Variants in KIF26B observed in about 807,000 individuals in gnomAD.
KIF26B encodes the protein kinesin-like protein KIF26B.
A neutral mutation model predicts 151.2 loss-of-function variants in KIF26B; 63 were observed. That is an observed-to-expected ratio of 0.42 (90% CI 0.34 to 0.51). The LOEUF is 0.51. KIF26B is among the 20% of genes least tolerant of loss of function. KIF26B has a pLI of 0.07. For missense variants in KIF26B, 2,813 were observed against 2,913.6 expected (o/e 0.97, Z 0.79); for synonymous variants, 1,357 against 1,262.1 (o/e 1.08, Z -1.59).
rs569829106 is a variant in KIF26B at position 245,241,889 on chromosome 1, G to A, written c.465+85206G>A. On this transcript the variant is annotated intron_variant, in intron 2 of 14. Transcript: ENST00000407071. This position sits in a 1 kb window ranked among gnomAD's most constrained non-coding sequence, Gnocchi z 5.0. ...CCCCATTTCTCAGGTGGCCTTCAAG[G>A]CTCATTCCTGACTCACCCAGCCTCA... 9.7e-4 allele frequency among the ~76,000 whole-genome samples: 148 copies of A among 152,228 alleles called. 1 individual carries two copies. Among genetic ancestry groups the A allele is most frequent in the Admixed American group, 2.7e-3 (41 of 15,300 alleles).
chr1:245,210,508 C>CT lies in KIF26B; in HGVS notation c.465+53842dup, dbSNP rs35803033. Among the ~76,000 whole-genome samples the CT allele has an allele frequency of 0.01, 1,314 of 129,740 alleles. 67 individuals carry two copies. In the East Asian group the frequency reaches 0.13, roughly 13 times the overall value. The allele number at this position is 129,740 out of a possible 152,430, so 85.1% of individuals were successfully genotyped here. A position where few individuals can be genotyped will look rare whatever the true frequency, so the allele number is the denominator to read the frequency against. Reference sequence around the variant, plus strand: ...ACTGTCTGGAACCCAATATCCTAAGCTTTTTTTTTTTTTTTTTACTGTATT... The same window carrying CT: ...ACTGTCTGGAACCCAATATCCTAAGCTTTTTTTTTTTTTTTTTTACTGTATT... On this transcript the variant is annotated intron_variant, in intron 2 of 14. Transcript: ENST00000407071.
rs573686901 is a variant in KIF26B at position 245,706,411 on chromosome 1, C to A, written c.*3805C>A. ...ATTTGTTCAATGCAAACACAGCCGT[C>A]TATATCATTGGCCACTGCTGATTAT... On this transcript the variant is annotated 3_prime_UTR_variant, in exon 15 of 15. Transcript: ENST00000407071. 3 of 152,282 alleles carry A rather than the reference C, an allele frequency of 2.0e-5. No individual in the cohort carries two copies. The highest frequency in any genetic ancestry group is 4.2e-4 in the South Asian group (2 of 4,818). 9.4% of individuals were successfully genotyped at this position (152,282 alleles called of 1,614,324 possible). A position where few individuals can be genotyped will look rare whatever the true frequency, so the allele number is the denominator to read the frequency against.
intron 10 of KIF26B, among the ~76,000 whole-genome samples, chr1:245,662,748 A>G (rs370091883): frequency 0.044 from 2,100 of 48,082 alleles, 109 homozygotes; most frequent in Middle Eastern, 0.081. Context: ...TATATACCCA[A>G]TGATATATAT....
chr1:245,703,192 G>A lies in KIF26B; in HGVS notation c.*586G>A, dbSNP rs1444718740. 3 of 152,674 alleles carry A rather than the reference G, an allele frequency of 2.0e-5. No individual in the cohort carries two copies. The highest frequency in any genetic ancestry group is 4.4e-5 in the Non-Finnish European group (3 of 68,090). The allele number at this position is 152,674 out of a possible 1,614,324, so 9.5% of individuals were successfully genotyped here. On this transcript the variant is annotated 3_prime_UTR_variant, in exon 15 of 15. Coordinates refer to ENST00000407071, the MANE Select transcript of KIF26B (RefSeq NM_018012.4). The stretch of plus-strand genomic sequence containing the variant: ...GACTTGCTGTTTCTAAGTAAGTTGT[G>A]TTTGTAGAGCTATTTCTTAATCAGT...
intron 2 of KIF26B, among the ~76,000 whole-genome samples, chr1:245,296,175 C>T (rs1573758797): frequency 6.8e-6 from 1 of 146,990 alleles, no homozygotes; most frequent in African/African-American, 2.5e-5. Flanking sequence ...CACGTTTTGT[C>T]TTTTTTTTTT....
At chr1:245,289,373 T>A (rs1327915487) in intron 2 of KIF26B, among the ~76,000 whole-genome samples, 1 of 152,200 alleles carries the variant, frequency 6.6e-6, no homozygotes, top group Non-Finnish European at 1.5e-5. Flanking sequence ...ATTATTGTGA[T>A]TTTCGACTCG....
At chr1:245,616,923 G>A (rs527483178) in intron 9 of KIF26B, among the ~76,000 whole-genome samples, 4 of 152,252 alleles carry the variant, frequency 2.6e-5, no homozygotes, top group African/African-American at 7.2e-5. Flanking sequence ...CAATGACACC[G>A]GGTCTCTGAT....
chr1:245,159,990 T>C (rs1260751023), intron 2 of KIF26B, among the ~76,000 whole-genome samples: 2 of 152,172 alleles, frequency 1.3e-5, no homozygotes, highest in African/African-American at 4.8e-5. Context: ...GATCATGAGT[T>C]TGGTTTTCCA....
intron 2 of KIF26B, among the ~76,000 whole-genome samples, chr1:245,344,063 T>C (rs1672389188): frequency 6.7e-6 from 1 of 150,258 alleles, no homozygotes; most frequent in Non-Finnish European, 1.5e-5. Context: ...CTTCCTTCCC[T>C]CCTTCCTCCC....
At chr1:245,679,462 T>TGG (rs2044402164) in intron 10 of KIF26B, among the ~76,000 whole-genome samples, 1 of 118,518 alleles carries the variant, frequency 8.4e-6, no homozygotes, top group Non-Finnish European at 1.7e-5. Flanking sequence ...TGTGTGTTTT[T>TGG]TTTTTTTTTT....
chr1:245,306,311 T>C (rs766065510), intron 2 of KIF26B, among the ~76,000 whole-genome samples: 5 of 152,220 alleles, frequency 3.3e-5, no homozygotes, highest in Non-Finnish European at 5.9e-5. Context: ...ATTCCTTTGA[T>C]ATAAAGTGTC....
intron 4 of KIF26B, among the ~76,000 whole-genome samples, chr1:245,484,760 C>A (rs375949008): frequency 7.4e-6 from 1 of 135,522 alleles, no homozygotes; most frequent in Non-Finnish European, 1.6e-5. Flanking sequence ...TCTTCTTCTT[C>A]TTCTTCATAT....
chr1:245,285,640 G>GAA (rs68008343), intron 2 of KIF26B, among the ~76,000 whole-genome samples: 7 of 131,142 alleles, frequency 5.3e-5, no homozygotes, highest in African/African-American at 1.7e-4. Flanking sequence ...TCCTAAAATT[G>GAA]AAAAAAAAAA....
At chr1:245,543,887 G>A (rs983909727) in intron 5 of KIF26B, among the ~76,000 whole-genome samples, 1 of 152,154 alleles carries the variant, frequency 6.6e-6, no homozygotes, top group Non-Finnish European at 1.5e-5. Context: ...GGCAGAGGTT[G>A]CAGTGAGCAG....
At chr1:245,519,878 T>C (rs1661050628) in intron 4 of KIF26B, among the ~76,000 whole-genome samples, 1 of 152,250 alleles carries the variant, frequency 6.6e-6, no homozygotes, top group African/African-American at 2.4e-5. Context: ...TGAAACGTTA[T>C]ACGGTGCATG....
At chr1:245,657,027 C>T (rs2044082450) in intron 10 of KIF26B, among the ~76,000 whole-genome samples, 1 of 152,172 alleles carries the variant, frequency 6.6e-6, no homozygotes, top group South Asian at 2.1e-4. Context: ...GAATAGTCGG[C>T]TTTTAAGAGA....
chr1:245,162,760 C>G (rs920401228), intron 2 of KIF26B, among the ~76,000 whole-genome samples: 6 of 152,188 alleles, frequency 3.9e-5, no homozygotes, highest in Non-Finnish European at 8.8e-5. Flanking sequence ...GTCAAGATAT[C>G]AACTCAGTTT....
At chr1:245,438,767 A>G (rs144302641) in intron 4 of KIF26B, among the ~76,000 whole-genome samples, 12 of 152,360 alleles carry the variant, frequency 7.9e-5, no homozygotes, top group African/African-American at 1.2e-4. Context: ...TAATGATGGT[A>G]AGCGACGGAA....
At chr1:245,681,716 G>T (rs2044442071) in intron 10 of KIF26B, among the ~76,000 whole-genome samples, 1 of 152,190 alleles carries the variant, frequency 6.6e-6, no homozygotes, top group South Asian at 2.1e-4. Context: ...GATAGCATTG[G>T]TGTGAGGCTA....
Sources: allele counts gnomAD v4.1 joint callset (sites outside exome capture counted in the v4.1 genomes callset), GRCh38; gene constraint gnomAD v4.1.1; non-coding constraint Gnocchi (gnomAD v3.1); transcripts MANE v1.5; gene names NCBI Gene and HGNC (gene_info 2026-07-23, HGNC 2026-07-21).